The following CADPS variants were observed in gnomAD, a reference collection of about 807,000 sequenced individuals.
CADPS encodes calcium dependent secretion activator.
CADPS carries 57 observed loss-of-function variants against 167.3 expected under a neutral mutation model. The ratio of observed to expected loss-of-function variants is 0.34; its 90% CI spans 0.28 to 0.42. The LOEUF is 0.42. Among genes scored for constraint, CADPS ranks in the 20% least tolerant of loss-of-function variants. CADPS has a pLI of 1.00. For missense variants in CADPS, 1,414 were observed against 1,738.1 expected, an observed-to-expected ratio of 0.81 and a Z score of 3.32; for synonymous variants, 676 against 635.3, an observed-to-expected ratio of 1.06 and a Z score of -0.96.
intron 23 of CADPS, among the ~76,000 whole-genome samples, chr3:62,477,690 A>G (rs2061499219): frequency 6.6e-6 from 1 of 152,188 alleles, no homozygotes; most frequent in African/African-American, 2.4e-5. Context: ...TGCAGGCAAA[A>G]TGTAATGTTC....
Position 62,504,041 on chromosome 3 carries a change from T to G in CADPS, c.2600-4773A>C, listed in dbSNP as rs551578184. 2.4e-4 allele frequency among the ~76,000 whole-genome samples: 36 copies of G among 152,294 alleles called. 1 individual carries two copies. In the South Asian group the frequency reaches 6.6e-3, roughly 28 times the overall value. On this transcript the variant is annotated intron_variant, in intron 17 of 29. Coordinates refer to ENST00000383710, the MANE Select transcript of CADPS (RefSeq NM_003716.4). ...AGGCATGTAGGAAATGGAATTCTAG[T>G]GACATTAATAAAAAAGATTGAAAAA...
At chr3:62,508,172 A>C (rs1489042437) in intron 17 of CADPS, among the ~76,000 whole-genome samples, 1 of 152,094 alleles carries the variant, frequency 6.6e-6, no homozygotes, top group Non-Finnish European at 1.5e-5. Flanking sequence ...CAGTTAATGG[A>C]TTGTGGATAG....
intron 1 of CADPS, among the ~76,000 whole-genome samples, chr3:62,811,341 G>T (rs1293698211): frequency 6.6e-6 from 1 of 151,614 alleles, no homozygotes; most frequent in African/African-American, 2.4e-5. Context: ...CTTCAGAGCT[G>T]CTCATTGCAT....
chr3:62,781,565 C>G (rs2091621947), intron 1 of CADPS, among the ~76,000 whole-genome samples: 1 of 152,106 alleles, frequency 6.6e-6, no homozygotes, highest in South Asian at 2.1e-4. Context: ...CAGAAATGGA[C>G]AGGGGAGCAA....
At chr3:62,773,851 T>C (rs2089580815) in intron 1 of CADPS, among the ~76,000 whole-genome samples, 1 of 152,194 alleles carries the variant, frequency 6.6e-6, no homozygotes, top group African/African-American at 2.4e-5. Flanking sequence ...GAATATAAGT[T>C]AATTACTACT....
chr3:62,404,064 G>A (rs1476125399), intron 28 of CADPS: 1 of 145,478 alleles, frequency 6.9e-6, no homozygotes, highest in East Asian at 2.0e-4. Flanking sequence ...TATGAACAGT[G>A]TTATGAAGTG....
intron 3 of CADPS, among the ~76,000 whole-genome samples, chr3:62,752,307 A>G (rs2082883230): frequency 6.6e-6 from 1 of 152,248 alleles, no homozygotes; most frequent in Non-Finnish European, 1.5e-5. Context: ...ACCCATCACA[A>G]AAAACCTTTC....
chr3:62,761,996 A>G (rs983896735), intron 2 of CADPS, among the ~76,000 whole-genome samples: 9 of 152,278 alleles, frequency 5.9e-5, no homozygotes, highest in Admixed American at 2.6e-4. Flanking sequence ...AACCATGGGG[A>G]CCTTGGTCTC....
chr3:62,771,671 C>A (rs1394218493), intron 1 of CADPS, among the ~76,000 whole-genome samples: 2 of 152,088 alleles, frequency 1.3e-5, no homozygotes, highest in Non-Finnish European at 2.9e-5. Context: ...GGTCAGAATT[C>A]AGAATTGCAG....
chr3:62,506,171 C>T (rs140297663), intron 17 of CADPS, among the ~76,000 whole-genome samples: 3 of 152,090 alleles, frequency 2.0e-5, no homozygotes, highest in Admixed American at 6.6e-5. Context: ...AGGAGGATCA[C>T]GAGGTCAGGA....
At chr3:62,695,608 C>T (rs1421972077) in intron 3 of CADPS, among the ~76,000 whole-genome samples, 2 of 152,134 alleles carry the variant, frequency 1.3e-5, no homozygotes, top group Non-Finnish European at 2.9e-5. Context: ...CTCCTTTCTC[C>T]TTCCTGTAAG....
At chr3:62,473,123 G>A (rs926604540) in intron 24 of CADPS, among the ~76,000 whole-genome samples, 4 of 150,282 alleles carry the variant, frequency 2.7e-5, no homozygotes, top group South Asian at 2.1e-4. Context: ...ACGATGCTGG[G>A]ACAGAGAACC....
chr3:62,549,313 G>T (rs1280398856), intron 11 of CADPS, among the ~76,000 whole-genome samples: 2 of 152,148 alleles, frequency 1.3e-5, no homozygotes, highest in Non-Finnish European at 2.9e-5. Context: ...TGGAAAAGGG[G>T]CAAGAAATTA....
intron 3 of CADPS, 149 bp from the exon 4 acceptor site, chr3:62,662,543 G>C (rs1698915698): frequency 7.6e-6 from 5 of 661,086 alleles, no homozygotes; most frequent in Non-Finnish European, 1.3e-5. Context: ...TCCAGTCTGA[G>C]TGAAATTCCA....
intron 1 of CADPS, among the ~76,000 whole-genome samples, chr3:62,788,694 G>A (rs1415642102): frequency 6.6e-6 from 1 of 152,142 alleles, no homozygotes; most frequent in African/African-American, 2.4e-5. Flanking sequence ...AATTATTAGT[G>A]TATTTTCAAT....
intron 1 of CADPS, among the ~76,000 whole-genome samples, chr3:62,785,359 G>T (rs899148118): frequency 6.6e-6 from 1 of 152,154 alleles, no homozygotes; most frequent in African/African-American, 2.4e-5. Flanking sequence ...TCCTAGCACT[G>T]TGAGAGTTTC....
At chr3:62,738,947 G>T (rs2079599930) in intron 3 of CADPS, among the ~76,000 whole-genome samples, 1 of 152,166 alleles carries the variant, frequency 6.6e-6, no homozygotes, top group Non-Finnish European at 1.5e-5. Flanking sequence ...GGGCATGTCA[G>T]CAATAATCAT....
At chr3:62,431,404 C>CT (rs1001592279) in intron 28 of CADPS, among the ~76,000 whole-genome samples, 152 of 149,534 alleles carry the variant, frequency 1.0e-3, no homozygotes, top group African/African-American at 3.5e-3. Context: ...CCCCCTCAAT[C>CT]TTTTTTTTTT....
At chr3:62,523,521 A>G (rs956656649) in intron 13 of CADPS, among the ~76,000 whole-genome samples, 2 of 152,196 alleles carry the variant, frequency 1.3e-5, no homozygotes, top group African/African-American at 4.8e-5. Context: ...GGTTCTCCAT[A>G]TTATGTTAAA....
Sources: allele counts gnomAD v4.1 joint callset (sites outside exome capture counted in the v4.1 genomes callset), GRCh38; gene constraint gnomAD v4.1.1; transcripts MANE v1.5; gene names NCBI Gene and HGNC (gene_info 2026-07-23, HGNC 2026-07-21).